Variants in NELL1 observed in about 807,000 individuals in gnomAD.
NELL1 encodes protein kinase C-binding protein NELL1.
In NELL1, 76 loss-of-function variants were observed where a neutral mutation model predicts 107.4. That is an observed-to-expected ratio of 0.71 (90% CI 0.59 to 0.86). NELL1 has a LOEUF of 0.86. Ranked by LOEUF, NELL1 falls within the 40% of genes least tolerant of loss-of-function variation. The pLI, the probability that NELL1 is intolerant of heterozygous loss-of-function variation, is 0.00. For missense variants in NELL1, 1,024 were observed against 1,005.5 expected (o/e 1.02, Z -0.25); for synonymous variants, 353 against 341.2 (o/e 1.03, Z -0.38).
At chr11:21,326,057 T>TTG (rs1850126517) in intron 14 of NELL1, among the ~76,000 whole-genome samples, 1 of 76,280 alleles carries the variant, frequency 1.3e-5, no homozygotes, top group African/African-American at 4.6e-5. Context: ...TAGTTTTTTT[T>TTG]TTTTTTTTTT....
intron 5 of NELL1, among the ~76,000 whole-genome samples, chr11:20,910,283 A>G (rs1264326910): frequency 6.6e-6 from 1 of 152,218 alleles, no homozygotes; most frequent in Non-Finnish European, 1.5e-5. Flanking sequence ...GAACTGGCAC[A>G]CCATCACTTC....
intron 16 of NELL1, among the ~76,000 whole-genome samples, chr11:21,547,386 T>C (rs1048865460): frequency 5.9e-5 from 9 of 151,782 alleles, no homozygotes; most frequent in Admixed American, 5.3e-4. Context: ...AAACCCTATA[T>C]GGGTTTGACT....
intron 14 of NELL1, among the ~76,000 whole-genome samples, chr11:21,232,717 G>C (rs989098921): frequency 3.3e-5 from 5 of 152,160 alleles, no homozygotes; most frequent in African/African-American, 1.2e-4. Flanking sequence ...GCAGTGGCTT[G>C]ATCTCAGCTC....
At chr11:21,119,805 A>G (rs1054000365) in intron 13 of NELL1, among the ~76,000 whole-genome samples, 1 of 152,160 alleles carries the variant, frequency 6.6e-6, no homozygotes, top group Non-Finnish European at 1.5e-5. Context: ...GGAATAGTCA[A>G]CCAGCTTGAT....
intron 3 of NELL1, among the ~76,000 whole-genome samples, chr11:20,807,402 A>G (rs1857407528): frequency 6.6e-6 from 1 of 152,130 alleles, no homozygotes; most frequent in Non-Finnish European, 1.5e-5. Context: ...TTCTCCCCCA[A>G]AAAACAGAGT....
At position 21,512,839 on chromosome 11, in the gene NELL1, T is replaced by C. The variant is rs144481408; in HGVS notation, c.1646-21535T>C. On this transcript the variant is annotated intron_variant, in intron 15 of 19. Transcript: ENST00000357134. ...AAAAAAAAGAAATATGCAACAGATA[T>C]AAACCAACGAAGCCTGTTGACATTC... 8.0e-4 allele frequency among the ~76,000 whole-genome samples: 122 copies of C among 152,102 alleles called. 1 individual carries two copies. Among genetic ancestry groups the C allele is most frequent in the South Asian group, 4.4e-3 (21 of 4,818 alleles).
chr11:20,967,962 C>T (rs1386868047), intron 12 of NELL1, among the ~76,000 whole-genome samples: 1 of 152,160 alleles, frequency 6.6e-6, no homozygotes. Context: ...TTCTTTGCAT[C>T]CCTCCAATAG....
At chr11:20,835,982 T>C (rs949463513) in intron 3 of NELL1, among the ~76,000 whole-genome samples, 1 of 151,948 alleles carries the variant, frequency 6.6e-6, no homozygotes, top group African/African-American at 2.4e-5. Flanking sequence ...TATTAAGAGA[T>C]TAAAAAAACA....
Position 20,826,473 on chromosome 11 carries a change from G to A in NELL1, c.336-21110G>A, listed in dbSNP as rs111802874. Among the ~76,000 whole-genome samples, 23 of 151,230 alleles carry A rather than the reference G, an allele frequency of 1.5e-4. 2 individuals are homozygous for A. The highest frequency in any genetic ancestry group is 3.3e-4 in the Admixed American group (5 of 15,068). ...AATGTGACCTTTATTCTAGATGGCC[G>A]TGTGCTTCACTAAGATTCAATTACT... On this transcript the variant is annotated intron_variant, in intron 3 of 19. Transcript: ENST00000357134.
intron 13 of NELL1, among the ~76,000 whole-genome samples, chr11:21,126,190 G>A (rs556064252): frequency 6.6e-6 from 1 of 152,100 alleles, no homozygotes; most frequent in Non-Finnish European, 1.5e-5. Flanking sequence ...AGCAGGCTGT[G>A]TTAACTCCAG....
intron 12 of NELL1, among the ~76,000 whole-genome samples, chr11:20,989,654 A>G (rs1400952296): frequency 1.3e-5 from 2 of 152,172 alleles, no homozygotes; most frequent in South Asian, 2.1e-4. Flanking sequence ...CCTTGACAAC[A>G]TCATAGGCAG....
intron 13 of NELL1, among the ~76,000 whole-genome samples, chr11:21,184,952 T>A (rs1856902573): frequency 6.6e-6 from 1 of 151,888 alleles, no homozygotes; most frequent in South Asian, 2.1e-4. Flanking sequence ...ATACAGTATT[T>A]TGTTGTTAGC....
chr11:21,274,316 T>C (rs754551822), intron 14 of NELL1, among the ~76,000 whole-genome samples: 60 of 152,142 alleles, frequency 3.9e-4, no homozygotes, highest in Non-Finnish European at 6.6e-4. Flanking sequence ...CATTACATAA[T>C]GGTAAAAGGA....
chr11:21,219,644 G>A (rs1164658745), intron 13 of NELL1, among the ~76,000 whole-genome samples: 1 of 152,042 alleles, frequency 6.6e-6, no homozygotes, highest in Non-Finnish European at 1.5e-5. Flanking sequence ...ACTTTGAGTT[G>A]ATTTTTGTAT....
intron 2 of NELL1, among the ~76,000 whole-genome samples, chr11:20,716,366 A>T (rs772191696): frequency 6.6e-6 from 1 of 152,260 alleles, no homozygotes; most frequent in Non-Finnish European, 1.5e-5. Context: ...AGCACAAAGG[A>T]TGCTATTAGC....
intron 14 of NELL1, among the ~76,000 whole-genome samples, chr11:21,314,980 C>A (rs1849844281): frequency 6.6e-6 from 1 of 152,064 alleles, no homozygotes; most frequent in Non-Finnish European, 1.5e-5. Flanking sequence ...CCTCAGCCTC[C>A]CAAATAGCTG....
intron 14 of NELL1, among the ~76,000 whole-genome samples, chr11:21,274,768 T>A (rs7941898): frequency 0.033 from 5,033 of 152,208 alleles, 302 homozygotes; most frequent in African/African-American, 0.12. Flanking sequence ...CTCAACTACA[T>A]GGAAACTGAA....
chr11:21,053,843 C>G (rs1209735316), intron 12 of NELL1, among the ~76,000 whole-genome samples: 1 of 152,098 alleles, frequency 6.6e-6, no homozygotes, highest in African/African-American at 2.4e-5. Flanking sequence ...TGCAGGGTGC[C>G]TTTCTGGAGC....
chr11:20,902,182 C>G (rs1242871168), intron 5 of NELL1, among the ~76,000 whole-genome samples: 1 of 151,630 alleles, frequency 6.6e-6, no homozygotes, highest in Non-Finnish European at 1.5e-5. Flanking sequence ...GCATAAAATT[C>G]TAAAAAGTGT....
Sources: allele counts gnomAD v4.1 joint callset (sites outside exome capture counted in the v4.1 genomes callset), GRCh38; gene constraint gnomAD v4.1.1; transcripts MANE v1.5; gene names NCBI Gene and HGNC (gene_info 2026-07-23, HGNC 2026-07-21).